ARID4B: variants seen among roughly 807,000 people sequenced by gnomAD.
ARID4B encodes AT-rich interactive domain-containing protein 4B.
ARID4B carries 26 observed loss-of-function variants against 147.5 expected under a neutral mutation model. That is an observed-to-expected ratio of 0.18 (90% CI 0.13 to 0.24). ARID4B has a LOEUF of 0.24. ARID4B is among the 10% of genes least tolerant of loss of function. The probability of loss-of-function intolerance (pLI) is 1.00; values close to 1 mark genes in which losing one functional copy is unlikely to be tolerated. For synonymous variants in ARID4B, 512 were observed against 507.9 expected, an observed-to-expected ratio of 1.01 and a Z score of -0.11; for missense variants, 1,179 against 1,511.5, an observed-to-expected ratio of 0.78 and a Z score of 3.65.
chr1:235,282,606 G>A (rs933267611), intron 2 of ARID4B, among the ~76,000 whole-genome samples: 30 of 151,908 alleles, frequency 2.0e-4, no homozygotes, highest in African/African-American at 6.5e-4. Flanking sequence ...AATTTTCAGA[G>A]ATGATATATC....
rs912687641 is a variant in ARID4B, at chr1:235,328,141, G to C, written c.-422C>G. The C allele has an allele frequency of 6.5e-6, 1 of 152,770 alleles. No individual in the cohort carries two copies. Among genetic ancestry groups the C allele is most frequent in the Middle Eastern group, 3.4e-3 (1 of 294 alleles). 9.5% of individuals were successfully genotyped at this position (152,770 alleles called of 1,614,324 possible). A position where few individuals can be genotyped will look rare whatever the true frequency, so the allele number is the denominator to read the frequency against. On this transcript the variant is annotated 5_prime_UTR_variant, in exon 1 of 24. Transcript: ENST00000264183. ...CTCAAGAGTCTCCCTCCGCTTCGGC[G>C]ACCGAGCTCCTCACTCCGGACTCGA...
In ARID4B at chr1:235,218,864, A is replaced by ATTTT. The variant is rs67129831; in HGVS notation, c.1583+925_1583+928dup. Among the ~76,000 whole-genome samples the ATTTT allele has an allele frequency of 4.0e-4, 52 of 128,694 alleles. 1 individual carries two copies. Among genetic ancestry groups the ATTTT allele is most frequent in the African/African-American group, 9.8e-4 (34 of 34,554 alleles). 84.4% of individuals were successfully genotyped at this position (128,694 alleles called of 152,430 possible). A position where few individuals can be genotyped will look rare whatever the true frequency, so the allele number is the denominator to read the frequency against. ...TGGCCAAATGTCAGTACGCTAAATG[A>ATTTT]TTTTTTTTTTTTTTTTTTTGAGACA... On this transcript the variant is annotated intron_variant, in intron 16 of 23. Coordinates refer to ENST00000264183, the MANE Select transcript of ARID4B (RefSeq NM_016374.6).
chr1:235,188,014 A>G (rs569153717), intron 19 of ARID4B, among the ~76,000 whole-genome samples: 1 of 151,610 alleles, frequency 6.6e-6, no homozygotes, highest in East Asian at 1.9e-4. Flanking sequence ...TAAGTAGGGG[A>G]AAAAAAGAGT....
chr1:235,253,059 A>T (rs1297682824), intron 5 of ARID4B, among the ~76,000 whole-genome samples: 7 of 152,238 alleles, frequency 4.6e-5, no homozygotes, highest in African/African-American at 1.7e-4. Flanking sequence ...GGATATACCA[A>T]ATAAAAATAA....
chr1:235,169,192 T>C (rs1663144930), intron 23 of ARID4B, among the ~76,000 whole-genome samples: 1 of 152,208 alleles, frequency 6.6e-6, no homozygotes, highest in Admixed American at 6.5e-5. Context: ...ACATTAGTTA[T>C]TTTCATCAGA....
chr1:235,182,873 T>C (rs1664414990), intron 19 of ARID4B, 80 bp from the exon 20 acceptor site: 2 of 1,404,480 alleles, frequency 1.4e-6, no homozygotes, highest in African/African-American at 1.4e-5. Context: ...ACTGTATATA[T>C]TAGGTCCTGT....
At chr1:235,313,947 A>G (rs1674255736) in intron 2 of ARID4B, among the ~76,000 whole-genome samples, 2 of 152,216 alleles carry the variant, frequency 1.3e-5, no homozygotes, top group Admixed American at 6.5e-5. Context: ...AAAAGACCAG[A>G]GTCAATCTAT....
chr1:235,230,607 A>AAC (rs1452355228), intron 10 of ARID4B, among the ~76,000 whole-genome samples: 3 of 131,526 alleles, frequency 2.3e-5, no homozygotes, highest in Non-Finnish European at 4.9e-5. Context: ...AAAAAAAAAA[A>AAC]AAAAAAAAAC....
chr1:235,254,231 T>C (rs751517516), intron 5 of ARID4B, among the ~76,000 whole-genome samples: 17 of 152,070 alleles, frequency 1.1e-4, no homozygotes, highest in Non-Finnish European at 2.1e-4. Context: ...CAAAGAAGTA[T>C]AAACAAAACT....
intron 2 of ARID4B, among the ~76,000 whole-genome samples, chr1:235,319,641 A>T (rs1235833759): frequency 6.6e-6 from 1 of 152,176 alleles, no homozygotes; most frequent in African/African-American, 2.4e-5. Context: ...AGATTTGACA[A>T]TGCCTTCATG....
intron 2 of ARID4B, among the ~76,000 whole-genome samples, chr1:235,277,582 T>G (rs1671403488): frequency 6.7e-6 from 1 of 148,388 alleles, no homozygotes; most frequent in African/African-American, 2.5e-5. Flanking sequence ...AGACCATTTT[T>G]AATGCCTTAT....
intron 2 of ARID4B, among the ~76,000 whole-genome samples, chr1:235,311,065 C>G (rs1017259422): frequency 6.6e-6 from 1 of 152,138 alleles, no homozygotes; most frequent in Non-Finnish European, 1.5e-5. Flanking sequence ...GATGCTCCCT[C>G]ACTAATCCTC....
At chr1:235,277,131 A>C (rs559126669) in intron 2 of ARID4B, among the ~76,000 whole-genome samples, 1 of 152,308 alleles carries the variant, frequency 6.6e-6, no homozygotes, top group South Asian at 2.1e-4. Flanking sequence ...CTATGGTCCC[A>C]ACCATTCAGG....
chr1:235,177,017 C>T (rs921966772), intron 21 of ARID4B: 36 of 452,800 alleles, frequency 8.0e-5, no homozygotes, highest in Admixed American at 5.8e-4. Flanking sequence ...GATTGATGCA[C>T]GGAGTCGTTG....
chr1:235,220,478 T>C lies in ARID4B; in HGVS notation c.1231A>G (p.Lys411Glu). ...NIEFQMALPEKVVNKQCKECE... is the reference protein window; with the variant it reads ...NIEFQMALPEEVVNKQCKECE... ...TCCTTACATTGCTTGTTAACAACTT[T>C]CTCTGGCAATGCCATCTGAAATTCA... Residue 411 changes from lysine to glutamate, a missense_variant, in exon 15 of 24, where the codon AAA becomes GAA. By Grantham distance (56) the Lys-to-Glu change is moderately conservative. Around this residue, in one of 10 missense-constraint regions of ARID4B, gnomAD observed 204 missense variants for 210.9 expected, o/e 0.97. Transcript: ENST00000264183. 6 of 1,612,712 alleles carry C rather than the reference T, an allele frequency of 3.7e-6. No individual in the cohort carries two copies. The highest frequency in any genetic ancestry group is 1.7e-5 in the Admixed American group (1 of 60,000).
At chr1:235,267,164 A>G (rs2103131859) in intron 2 of ARID4B, among the ~76,000 whole-genome samples, 1 of 152,228 alleles carries the variant, frequency 6.6e-6, no homozygotes, top group East Asian at 1.9e-4. Flanking sequence ...TATGGTCCCA[A>G]CTACTAAGGA....
At chr1:235,206,379 A>G (rs1490644426) in intron 17 of ARID4B, among the ~76,000 whole-genome samples, 1 of 152,194 alleles carries the variant, frequency 6.6e-6, no homozygotes, top group Non-Finnish European at 1.5e-5. Flanking sequence ...TATATTCCAG[A>G]TCAAATTCCT....
intron 18 of ARID4B, among the ~76,000 whole-genome samples, chr1:235,195,681 T>C (rs1256108472): frequency 6.6e-6 from 1 of 152,138 alleles, no homozygotes; most frequent in Non-Finnish European, 1.5e-5. Flanking sequence ...CCAGATAGCC[T>C]TTTCTTCCTT....
intron 17 of ARID4B, among the ~76,000 whole-genome samples, chr1:235,203,679 T>C (rs560164097): frequency 1.9e-4 from 29 of 152,296 alleles, no homozygotes; most frequent in Admixed American, 4.6e-4. Context: ...ATGTATGTCA[T>C]ATAATTAACT....
Sources: gnomAD v4.1 joint callset for allele counts (sites outside exome capture counted in the v4.1 genomes callset) on GRCh38, gnomAD v4.1.1 for gene constraint, gnomAD v4.1.1 regional missense constraint, MANE v1.5 for transcripts, NCBI Gene and HGNC (gene_info 2026-07-23, HGNC 2026-07-21) for gene names.